AGAP1: variants seen among roughly 807,000 people sequenced by gnomAD.
The protein encoded by AGAP1 is ArfGAP with GTPase domain, ankyrin repeat and PH domain 1, also known as arf-GAP with GTPase, ANK repeat and PH domain-containing protein 1.
A neutral mutation model predicts 105.3 loss-of-function variants in AGAP1; 29 were observed. That is an observed-to-expected ratio of 0.28 (90% CI 0.21 to 0.38). The LOEUF (loss-of-function observed/expected upper bound fraction) is 0.38. Ranked by LOEUF, AGAP1 falls within the 10% of genes least tolerant of loss-of-function variation. The pLI is 1.00. For synonymous variants in AGAP1, 509 were observed against 485.9 expected, an observed-to-expected ratio of 1.05 and a Z score of -0.63; for missense variants, 998 against 1,165.1, an observed-to-expected ratio of 0.86 and a Z score of 2.09.
intron 9 of AGAP1, among the ~76,000 whole-genome samples, chr2:235,814,209 G>A (rs1336268200): frequency 1.3e-5 from 2 of 152,200 alleles, no homozygotes; most frequent in Admixed American, 6.5e-5. Flanking sequence ...GCCCAAGGGC[G>A]GAGCTCTTGC....
rs2054990890 is a variant in AGAP1 at position 235,979,286 on chromosome 2, TA to T, written c.1645+10665del. 6.6e-6 allele frequency among the ~76,000 whole-genome samples: 1 copy of T among 152,096 alleles called. No individual in the cohort carries two copies. The highest frequency in any genetic ancestry group is 2.1e-4 in the South Asian group (1 of 4,824). Reference sequence around the variant, plus strand: ...CACAGCCAGCTAGAGTGCACATTTTTAAGGGCAGTTTGAGGTTGGAGGGAGG... The same window carrying T: ...CACAGCCAGCTAGAGTGCACATTTTTAGGGCAGTTTGAGGTTGGAGGGAGG... On this transcript the variant is annotated intron_variant, in intron 13 of 17. Transcript: ENST00000304032. This position sits in a 1 kb window ranked among gnomAD's most constrained non-coding sequence, Gnocchi z 4.5.
intron 6 of AGAP1, among the ~76,000 whole-genome samples, chr2:235,757,408 G>C (rs2149755421): frequency 6.6e-6 from 1 of 151,354 alleles, no homozygotes; most frequent in East Asian, 1.9e-4. Flanking sequence ...CCAGGTGCTA[G>C]TGTGGCCACA....
At chr2:236,067,024 A>ATTT (rs34092115) in intron 16 of AGAP1, among the ~76,000 whole-genome samples, 3 of 149,506 alleles carry the variant, frequency 2.0e-5, no homozygotes, top group African/African-American at 7.4e-5. Flanking sequence ...TCACCAACCA[A>ATTT]TTTTTTTTTT....
Position 235,799,443 on chromosome 2 carries a change from T to A in AGAP1, c.878T>A (p.Leu293His), listed in dbSNP as rs1032154598. 2.5e-6 allele frequency: 4 copies of A among 1,614,176 alleles called. No homozygotes were observed. Among genetic ancestry groups the A allele is most frequent in the Non-Finnish European group, 3.4e-6 (4 of 1,180,028 alleles). The change falls in exon 8 of 18, where the codon CTT becomes CAT. Residue 293 changes from leucine to histidine, a missense_variant. By Grantham distance (99) the Leu-to-His change is moderately conservative. Coordinates refer to ENST00000304032, the MANE Select transcript of AGAP1 (RefSeq NM_001037131.3). This position sits in a 1 kb window ranked among gnomAD's most constrained non-coding sequence, Gnocchi z 5.0. ...ACTCCCAGCACCAGCCAGAAGGAAC[T>A]TCGGATCGATGTTCCTCCCACTGCC... is the stretch of plus-strand genomic sequence containing the variant. ...PSTPSTSQKELRIDVPPTANT... is the reference protein window; with the variant it reads ...PSTPSTSQKEHRIDVPPTANT...
intron 2 of AGAP1, among the ~76,000 whole-genome samples, chr2:235,711,659 T>C (rs896285229): frequency 6.6e-6 from 1 of 152,176 alleles, no homozygotes; most frequent in African/African-American, 2.4e-5. Context: ...CCAAGTGCCT[T>C]CTTGTTGTGG....
Position 235,789,557 on chromosome 2 carries a change from T to G in AGAP1, c.674-8202T>G, listed in dbSNP as rs990368385. On this transcript the variant is annotated intron_variant, in intron 6 of 17. Coordinates refer to ENST00000304032, the MANE Select transcript of AGAP1 (RefSeq NM_001037131.3). This position sits in a 1 kb window ranked among gnomAD's most constrained non-coding sequence, Gnocchi z 4.2. ...TTCAGGAAAAACTTAAAAGCTTCAC[T>G]AGAAGAAATTTAAGCAAGCTTGGCT... 2.0e-5 allele frequency among the ~76,000 whole-genome samples: 3 copies of G among 152,142 alleles called. No homozygotes were observed. Among genetic ancestry groups the G allele is most frequent in the African/African-American group, 4.8e-5 (2 of 41,424 alleles).
chr2:235,532,561 G>C (rs1350465428), intron 1 of AGAP1, among the ~76,000 whole-genome samples: 1 of 152,190 alleles, frequency 6.6e-6, no homozygotes, highest in South Asian at 2.1e-4. Context: ...GGTTTGTCCA[G>C]CTTTTCTCCT....
chr2:235,686,857 T>C (rs1369390002), intron 1 of AGAP1, among the ~76,000 whole-genome samples: 1 of 148,172 alleles, frequency 6.7e-6, no homozygotes, highest in Non-Finnish European at 1.5e-5. Flanking sequence ...AGAGATGAGG[T>C]CTTACTGTGC....
intron 12 of AGAP1, among the ~76,000 whole-genome samples, chr2:235,966,306 G>T (rs1182336590): frequency 6.6e-6 from 1 of 151,612 alleles, no homozygotes; most frequent in African/African-American, 2.4e-5. Context: ...GGAGAAGAGG[G>T]GGGCCTGTTC....
intron 1 of AGAP1, among the ~76,000 whole-genome samples, chr2:235,534,106 C>T (rs561342506): frequency 2.0e-5 from 3 of 152,228 alleles, no homozygotes; most frequent in Non-Finnish European, 4.4e-5. Flanking sequence ...GGAGTACTCA[C>T]TGTGTGTTCT....
chr2:235,662,371 C>G lies in AGAP1; in HGVS notation c.164-46808C>G, dbSNP rs1274264809. Reference sequence around the variant, plus strand: ...AGTCTTGGTATGTAACCAACCAGGTCTCACCTTCAGCCACACTCCTAGGGA... The same window carrying G: ...AGTCTTGGTATGTAACCAACCAGGTGTCACCTTCAGCCACACTCCTAGGGA... On this transcript the variant is annotated intron_variant, in intron 1 of 17. Coordinates refer to ENST00000304032, the MANE Select transcript of AGAP1 (RefSeq NM_001037131.3). The surrounding 1 kb of genome is among the most constrained non-coding windows in gnomAD (Gnocchi z 4.2). 6.6e-6 allele frequency among the ~76,000 whole-genome samples: 1 copy of G among 152,204 alleles called. No homozygotes were observed. The highest frequency in any genetic ancestry group is 1.5e-5 in the Non-Finnish European group (1 of 68,044).
rs1943201521 is a variant in AGAP1 at position 235,535,961 on chromosome 2, T to C, written c.163+41112T>C. On this transcript the variant is annotated intron_variant, in intron 1 of 17. Transcript: ENST00000304032. This position sits in a 1 kb window ranked among gnomAD's most constrained non-coding sequence, Gnocchi z 5.1. The stretch of plus-strand genomic sequence containing the variant: ...ACGTAAGGCCCCTCGCCCCATCTGC[T>C]TCCTGCTCTCCCAGAGCCGGCCTCA... 1.3e-5 allele frequency among the ~76,000 whole-genome samples: 2 copies of C among 151,958 alleles called. No homozygotes were observed. Among genetic ancestry groups the C allele is most frequent in the African/African-American group, 4.8e-5 (2 of 41,374 alleles).
chr2:235,697,381 G>C (rs974259767), intron 1 of AGAP1, among the ~76,000 whole-genome samples: 1 of 152,208 alleles, frequency 6.6e-6, no homozygotes, highest in Non-Finnish European at 1.5e-5. Flanking sequence ...TTCATGTGAG[G>C]TTGTTAGAAG....
chr2:235,790,067 AT>A (rs1448484553), intron 6 of AGAP1, among the ~76,000 whole-genome samples: 1 of 152,176 alleles, frequency 6.6e-6, no homozygotes, highest in African/African-American at 2.4e-5. Context: ...GAATCGGTAG[AT>A]TTGGGGTGAA....
chr2:236,036,686 C>T lies in AGAP1; in HGVS notation c.1771C>T (p.Leu591=), dbSNP rs1191826050. 6.2e-7 allele frequency: 1 copy of T among 1,614,212 alleles called. No homozygotes were observed. Among genetic ancestry groups the T allele is most frequent in the Admixed American group, 1.7e-5 (1 of 60,024 alleles). The change falls in exon 14 of 18, where the codon CTG becomes TTG. Residue 591 remains leucine, a synonymous_variant. Transcript: ENST00000304032. This position sits in a 1 kb window ranked among gnomAD's most constrained non-coding sequence, Gnocchi z 5.7. ...QAIESQILAS[L]QSCESSKNKS... is the part of the protein sequence containing the mutation. ...CATCGAGAGCCAGATCCTGGCCAGC[C>T]TGCAGTCGTGCGAGAGCAGCAAGAA... is the stretch of plus-strand genomic sequence containing the variant.
intron 11 of AGAP1, among the ~76,000 whole-genome samples, chr2:235,929,693 A>T (rs924872670): frequency 6.6e-6 from 1 of 151,988 alleles, no homozygotes; most frequent in Non-Finnish European, 1.5e-5. Flanking sequence ...CTTCTCATCC[A>T]TATCACCGGA....
chr2:235,812,102 A>G (rs1403299637), intron 9 of AGAP1, among the ~76,000 whole-genome samples: 3 of 152,082 alleles, frequency 2.0e-5, no homozygotes, highest in East Asian at 1.9e-4. Flanking sequence ...GGGACCCTCC[A>G]TCAGGCACGC....
At chr2:236,028,414 C>G (rs921938293) in intron 13 of AGAP1, among the ~76,000 whole-genome samples, 1 of 152,130 alleles carries the variant, frequency 6.6e-6, no homozygotes, top group East Asian at 1.9e-4. Flanking sequence ...TATGTTCTTA[C>G]TTTTAGGGAA....
intron 6 of AGAP1, among the ~76,000 whole-genome samples, chr2:235,764,547 C>T (rs936020044): frequency 3.9e-5 from 6 of 152,226 alleles, no homozygotes; most frequent in Non-Finnish European, 7.3e-5. Flanking sequence ...ACTGACAGGT[C>T]ACTGCCACAA....
Sources: gnomAD v4.1 joint callset for allele counts (sites outside exome capture counted in the v4.1 genomes callset) on GRCh38, gnomAD v4.1.1 for gene constraint, Gnocchi (gnomAD v3.1) non-coding constraint, MANE v1.5 for transcripts, NCBI Gene and HGNC (gene_info 2026-07-23, HGNC 2026-07-21) for gene names.